Variants in TSPAN5 observed in about 807,000 individuals in gnomAD.
TSPAN5 encodes tetraspanin-5.
A neutral mutation model predicts 37.1 loss-of-function variants in TSPAN5; 10 were observed. That is an observed-to-expected ratio of 0.27 (90% confidence interval 0.17 to 0.46). TSPAN5 has a LOEUF of 0.46. Ranked by LOEUF, TSPAN5 falls within the 20% of genes least tolerant of loss-of-function variation. The pLI, the probability that TSPAN5 is intolerant of heterozygous loss-of-function variation, is 1.00. For synonymous variants in TSPAN5, 110 were observed against 118.9 expected, an observed-to-expected ratio of 0.93 and a Z score of 0.48; for missense variants, 195 against 326.6, an observed-to-expected ratio of 0.60 and a Z score of 3.11.
chr4:98,473,452 A>ATT (rs35624650), intron 7 of TSPAN5, among the ~76,000 whole-genome samples: 118 of 134,254 alleles, frequency 8.8e-4, no homozygotes, highest in Middle Eastern at 4.0e-3. Context: ...CTTATTAGCC[A>ATT]TTTTTTTTTT....
At chr4:98,563,663 T>C (rs552252479) in intron 1 of TSPAN5, among the ~76,000 whole-genome samples, 234 of 152,348 alleles carry the variant, frequency 1.5e-3, no homozygotes, top group African/African-American at 5.5e-3. Flanking sequence ...CATTTTCAAA[T>C]GGCTTTTCCA....
chr4:98,472,240 C>T lies in TSPAN5; in HGVS notation c.*282G>A. ...CATTCAAGTACATCTGGGTCCCCTA[C>T]CCTCCCTTTTTTTCTTTTTTGGTAA... is the stretch of plus-strand genomic sequence containing the variant. On this transcript the variant is annotated 3_prime_UTR_variant, in exon 8 of 8. Coordinates refer to ENST00000305798, the MANE Select transcript of TSPAN5 (RefSeq NM_005723.4). 3.1e-6 allele frequency: 1 copy of T among 327,062 alleles called. No homozygotes were observed. The highest frequency in any genetic ancestry group is 5.0e-5 in the East Asian group (1 of 20,132). 20.3% of individuals were successfully genotyped at this position (327,062 alleles called of 1,614,324 possible). A position where few individuals can be genotyped will look rare whatever the true frequency, so the allele number is the denominator to read the frequency against.
intron 5 of TSPAN5, 140 bp downstream of exon 5, chr4:98,478,545 C>G (rs1018285748): frequency 2.5e-5 from 24 of 961,762 alleles, no homozygotes; most frequent in Non-Finnish European, 3.7e-5. Flanking sequence ...AAGATTTGAG[C>G]ACCATAACCC....
At chr4:98,569,916 T>A (rs1429230293) in intron 1 of TSPAN5, among the ~76,000 whole-genome samples, 1 of 152,194 alleles carries the variant, frequency 6.6e-6, no homozygotes, top group Non-Finnish European at 1.5e-5. Context: ...TGCCTGTCAC[T>A]AGGGACCCCT....
At chr4:98,533,273 C>T (rs910082672) in intron 1 of TSPAN5, among the ~76,000 whole-genome samples, 2 of 152,098 alleles carry the variant, frequency 1.3e-5, no homozygotes, top group East Asian at 1.9e-4. Context: ...GGTATCATCT[C>T]CTGTTTGTAC....
In TSPAN5 at chr4:98,547,520, C is replaced by G. The variant is rs59832984; in HGVS notation, c.82-39792G>C. On this transcript the variant is annotated intron_variant, in intron 1 of 7. Transcript: ENST00000305798. ...TAGATTAACAATTCATCCTCGAGCT[C>G]AGATTCCTTTGTGCTTCTCCTAAGT... 9.8e-3 allele frequency among the ~76,000 whole-genome samples: 1,485 copies of G among 152,300 alleles called. 28 individuals carry two copies. The highest frequency in any genetic ancestry group is 0.033 in the African/African-American group (1,380 of 41,564).
chr4:98,488,369 TA>T (rs1333514763), intron 2 of TSPAN5, among the ~76,000 whole-genome samples: 21 of 152,310 alleles, frequency 1.4e-4, no homozygotes, highest in African/African-American at 9.6e-5. Context: ...TTTCTTCCTT[TA>T]GGGGGGTGTC....
intron 1 of TSPAN5, among the ~76,000 whole-genome samples, chr4:98,568,692 G>A (rs973748262): frequency 6.6e-6 from 1 of 152,214 alleles, no homozygotes; most frequent in Non-Finnish European, 1.5e-5. Context: ...TGGTGAGTGA[G>A]GGAGAGAAGA....
chr4:98,584,577 T>C (rs1181052047), intron 1 of TSPAN5, among the ~76,000 whole-genome samples: 1 of 152,218 alleles, frequency 6.6e-6, no homozygotes, highest in Admixed American at 6.5e-5. Flanking sequence ...TCTACTTATA[T>C]ATGTAGACTT....
chr4:98,562,215 T>G (rs1754895704), intron 1 of TSPAN5, among the ~76,000 whole-genome samples: 1 of 152,138 alleles, frequency 6.6e-6, no homozygotes. Context: ...TAAGGCCAGA[T>G]TTGTGTTTTA....
chr4:98,651,841 T>C (rs898121460), intron 1 of TSPAN5, among the ~76,000 whole-genome samples: 21 of 151,500 alleles, frequency 1.4e-4, no homozygotes, highest in Non-Finnish European at 2.5e-4. Context: ...TCTGATGATT[T>C]TGTAATTCTT....
At position 98,658,128 on chromosome 4, in the gene TSPAN5, A is replaced by C; in HGVS notation, c.81+18T>G. 2 of 1,603,036 alleles carry C rather than the reference A, an allele frequency of 1.2e-6. No individual in the cohort carries two copies. The highest frequency in any genetic ancestry group is 1.7e-6 in the Non-Finnish European group (2 of 1,169,936). On this transcript the variant is annotated intron_variant, in intron 1 of 7. Coordinates refer to ENST00000305798, the MANE Select transcript of TSPAN5 (RefSeq NM_005723.4). ...GATCGGCCACAATAGTTGGAATCCC[A>C]GGAGCGCTCCAACTTACCCAAAATA...
chr4:98,652,120 A>C (rs1265743978), intron 1 of TSPAN5, among the ~76,000 whole-genome samples: 1 of 152,024 alleles, frequency 6.6e-6, no homozygotes, highest in South Asian at 2.1e-4. Flanking sequence ...TCAGCCTCCT[A>C]AAGTGTTGGG....
intron 1 of TSPAN5, among the ~76,000 whole-genome samples, chr4:98,515,515 C>G (rs1405091171): frequency 1.1e-5 from 1 of 92,234 alleles, no homozygotes; most frequent in Non-Finnish European, 2.5e-5. Flanking sequence ...ATCAGAGGCT[C>G]TCTCTCTCTC....
At chr4:98,504,984 C>T (rs981127529) in intron 2 of TSPAN5, among the ~76,000 whole-genome samples, 2 of 152,112 alleles carry the variant, frequency 1.3e-5, no homozygotes, top group African/African-American at 4.8e-5. Context: ...ATGTCCTTAC[C>T]TGGCAGACAG....
Position 98,605,199 on chromosome 4 carries a change from A to G in TSPAN5, c.81+52947T>C, listed in dbSNP as rs75181530. On this transcript the variant is annotated intron_variant, in intron 1 of 7. Transcript: ENST00000305798. ...TCAGAAAGTCTGGTGACCTACTGAC[A>G]TCATCAAAAACCGCAAGGTTTGAAA... Among the ~76,000 whole-genome samples the G allele has an allele frequency of 7.3e-4, 111 of 152,336 alleles. 1 individual carries two copies. In the South Asian group the frequency reaches 8.7e-3, roughly 12 times the overall value.
intron 2 of TSPAN5, among the ~76,000 whole-genome samples, chr4:98,487,747 C>T (rs1353763413): frequency 6.6e-6 from 1 of 152,170 alleles, no homozygotes; most frequent in Non-Finnish European, 1.5e-5. Context: ...TCAAAGGTTA[C>T]TTCCTCACTT....
chr4:98,626,520 C>A (rs1261947275), intron 1 of TSPAN5, among the ~76,000 whole-genome samples: 6 of 152,104 alleles, frequency 3.9e-5, no homozygotes. Context: ...CTTTCTGACT[C>A]ATTTCCTACC....
rs571457060 is a variant in TSPAN5, at chr4:98,608,037, T to A, written c.81+50109A>T. Among the ~76,000 whole-genome samples the A allele has an allele frequency of 2.9e-3, 435 of 152,284 alleles. 3 individuals are homozygous for A. Among genetic ancestry groups the A allele is most frequent in the African/African-American group, 0.01 (425 of 41,562 alleles). On this transcript the variant is annotated intron_variant, in intron 1 of 7. Transcript: ENST00000305798. Reference sequence around the variant, plus strand: ...TGAAATTTATATATACTATACCTATTCATAAGATGGTATTTTTTCCTGAAG... The same window carrying A: ...TGAAATTTATATATACTATACCTATACATAAGATGGTATTTTTTCCTGAAG...
Sources: gnomAD v4.1 joint callset for allele counts (sites outside exome capture counted in the v4.1 genomes callset) on GRCh38, gnomAD v4.1.1 for gene constraint, MANE v1.5 for transcripts, NCBI Gene and HGNC (gene_info 2026-07-23, HGNC 2026-07-21) for gene names.